Variants in KCNS2 observed in about 807,000 individuals in gnomAD.
The protein encoded by KCNS2 is delayed-rectifier potassium channel regulatory subunit KCNS2.
Under a neutral mutation model 28.3 loss-of-function variants are expected in KCNS2, and 15 were observed. The observed-to-expected ratio is 0.53, with a 90% confidence interval of 0.35 to 0.82. KCNS2 has a LOEUF of 0.82. Ranked by LOEUF, KCNS2 falls within the 40% of genes least tolerant of loss-of-function variation. The pLI, the probability that KCNS2 is intolerant of heterozygous loss-of-function variation, is 0.01. For missense variants in KCNS2, 501 were observed against 617.1 expected, an observed-to-expected ratio of 0.81 and a Z score of 1.99; for synonymous variants, 254 against 256.7, an observed-to-expected ratio of 0.99 and a Z score of 0.10.
At position 98,431,282 on chromosome 8, in the gene KCNS2, C is replaced by A. The variant is rs1586558847; in HGVS notation, c.*1869C>A. 6.0e-6 allele frequency: 1 copy of A among 167,218 alleles called. No individual in the cohort carries two copies. Among genetic ancestry groups the A allele is most frequent in the East Asian group, 1.9e-4 (1 of 5,196 alleles). 10.4% of individuals were successfully genotyped at this position (167,218 alleles called of 1,614,324 possible). A position where few individuals can be genotyped will look rare whatever the true frequency, so the allele number is the denominator to read the frequency against. ...CACTTGTGTCCTGGAGCCCCCAGTT[C>A]AAATCTTTCCATTGGACTGGAGGCT... On this transcript the variant is annotated 3_prime_UTR_variant, in exon 2 of 2. Transcript: ENST00000287042.
rs189848972 is a variant in KCNS2, at chr8:98,430,755, G to T, written c.*1342G>T. On this transcript the variant is annotated 3_prime_UTR_variant, in exon 2 of 2. Coordinates refer to ENST00000287042, the MANE Select transcript of KCNS2 (RefSeq NM_020697.4). ...GGGGGTGACTGGGTAGAGGCCAGGA[G>T]AAAGGAAAGAGTTGTAAAATAAAAA... is the stretch of plus-strand genomic sequence containing the variant. 1.3e-3 allele frequency: 211 copies of T among 167,190 alleles called. No individual in the cohort carries two copies. Among genetic ancestry groups the T allele is most frequent in the Non-Finnish European group, 1.8e-3 (126 of 68,116 alleles). The allele number at this position is 167,190 out of a possible 1,614,324, so 10.4% of individuals were successfully genotyped here. A position where few individuals can be genotyped will look rare whatever the true frequency, so the allele number is the denominator to read the frequency against.
At position 98,428,121 on chromosome 8, in the gene KCNS2, C is replaced by T; in HGVS notation, c.142C>T (p.Leu48Phe). Residue 48 changes from leucine to phenylalanine, a missense_variant, in exon 2 of 2, where the codon CTC becomes TTC. Coordinates refer to ENST00000287042, the MANE Select transcript of KCNS2 (RefSeq NM_020697.4). The surrounding 1 kb of genome is among the most constrained non-coding windows in gnomAD (Gnocchi z 6.7). ...CGAGACGCGCCTGGGCCGCTTGCTG[C>T]TCTGCCACTCGCGCGAGGCCATTCT... is the stretch of plus-strand genomic sequence containing the variant. ...FPETRLGRLL[L>F]CHSREAILEL... 2 of 1,613,964 alleles carry T rather than the reference C, an allele frequency of 1.2e-6. No homozygotes were observed. Among genetic ancestry groups the T allele is most frequent in the Non-Finnish European group, 1.7e-6 (2 of 1,180,018 alleles).
chr8:98,428,988 T>G lies in KCNS2; in HGVS notation c.1009T>G (p.Ser337Ala). Reference sequence around the variant, plus strand: ...AGTAGGGCTGCTCTTGCTCTACCTCTCCGTGGGGATTTCCATCTTCTCCGT... The same window carrying G: ...AGTAGGGCTGCTCTTGCTCTACCTCGCCGTGGGGATTTCCATCTTCTCCGT... ...KEVGLLLLYL[S>A]VGISIFSVVA... The change falls in exon 2 of 2, where the codon TCC (serine) becomes GCC (alanine). Residue 337 changes from serine to alanine, a missense_variant. Physicochemically the swap from Ser to Ala is moderately conservative, Grantham distance 99. Coordinates refer to ENST00000287042, the MANE Select transcript of KCNS2 (RefSeq NM_020697.4). The surrounding 1 kb of genome is among the most constrained non-coding windows in gnomAD (Gnocchi z 6.7). The G allele has an allele frequency of 6.2e-7, 1 of 1,614,120 alleles. No individual in the cohort carries two copies. Among genetic ancestry groups the G allele is most frequent in the East Asian group, 2.2e-5 (1 of 44,858 alleles).
At position 98,429,086 on chromosome 8, in the gene KCNS2, C is replaced by T. The variant is rs757518263; in HGVS notation, c.1107C>T (p.Thr369=). 19 of 1,613,158 alleles carry T rather than the reference C, an allele frequency of 1.2e-5. No homozygotes were observed. Among genetic ancestry groups the T allele is most frequent in the Middle Eastern group, 1.6e-4 (1 of 6,080 alleles). ...TCCCTGCCTGCTGGTGGTGGGCTAC[C>T]GTCAGTATGACCACAGTGGGGTACG... ...ATIPACWWWA[T]VSMTTVGYGD... The change falls in exon 2 of 2, where the codon ACC becomes ACT. Residue 369 remains threonine (T), a synonymous_variant. Transcript: ENST00000287042.
Position 98,429,374 on chromosome 8 carries a change from C to T in KCNS2, c.1395C>T (p.Ser465=), listed in dbSNP as rs1457500784. 1 of 1,613,616 alleles carries T rather than the reference C, an allele frequency of 6.2e-7. No homozygotes were observed. Among genetic ancestry groups the T allele is most frequent in the African/African-American group, 1.3e-5 (1 of 74,926 alleles). The change falls in exon 2 of 2, where the codon AGC becomes AGT. Residue 465 remains serine, a synonymous_variant. Transcript: ENST00000287042. ...CAAGCCTGACGAACATGAGCAGGAG[C>T]TCACCAAGTGAACTCAGTTTAAATG... ...LMASLTNMSR[S]SPSELSLNDS...
In KCNS2 at chr8:98,429,446, G is replaced by T; in HGVS notation, c.*33G>T. 1 of 1,482,706 alleles carries T rather than the reference G, an allele frequency of 6.7e-7. No individual in the cohort carries two copies. Among genetic ancestry groups the T allele is most frequent in the South Asian group, 1.2e-5 (1 of 82,674 alleles). 91.8% of individuals were successfully genotyped at this position (1,482,706 alleles called of 1,614,324 possible). On this transcript the variant is annotated 3_prime_UTR_variant, in exon 2 of 2. Coordinates refer to ENST00000287042, the MANE Select transcript of KCNS2 (RefSeq NM_020697.4). ...GACTTGTCACCCTCCACCCCACATT[G>T]CTGAGCTGCCTCTTGTGCCTCTGGC... is the stretch of plus-strand genomic sequence containing the variant.
chr8:98,429,311 A>G lies in KCNS2; in HGVS notation c.1332A>G (p.Leu444=). ...TGAAGGAGGTCCCTTCGGTCAATTTAAGGGACTATTATGCCCATAAAGTTA... is the reference window on the plus strand; with the variant it reads ...TGAAGGAGGTCCCTTCGGTCAATTTGAGGGACTATTATGCCCATAAAGTTA... ...DGMKEVPSVN[L]RDYYAHKVKS... Residue 444 remains leucine, a synonymous_variant, in exon 2 of 2, where the codon TTA becomes TTG. Transcript: ENST00000287042. 1.2e-6 allele frequency: 2 copies of G among 1,614,162 alleles called. No individual in the cohort carries two copies. Among genetic ancestry groups the G allele is most frequent in the Non-Finnish European group, 1.7e-6 (2 of 1,180,024 alleles).
chr8:98,428,361 G>A lies in KCNS2; in HGVS notation c.382G>A (p.Val128Ile), dbSNP rs1284687712. 6.2e-7 allele frequency: 1 copy of A among 1,614,188 alleles called. No individual in the cohort carries two copies. The highest frequency in any genetic ancestry group is 1.7e-5 in the Admixed American group (1 of 60,034). Residue 128 changes from valine (V) to isoleucine (I), a missense_variant, in exon 2 of 2, where the codon GTA (valine) becomes ATA (isoleucine). Val to Ile is a conservative substitution (Grantham distance 29, BLOSUM62 3). Transcript: ENST00000287042. The surrounding 1 kb of genome is among the most constrained non-coding windows in gnomAD (Gnocchi z 6.7). ...CCSYSYHGRK[V>I]EPEQEKWDEQ... ...CAGCTACAGCTACCATGGCCGCAAA[G>A]TAGAGCCCGAGCAGGAGAAGTGGGA... is the stretch of plus-strand genomic sequence containing the variant.
At position 98,429,779 on chromosome 8, in the gene KCNS2, G is replaced by T. The variant is rs991120076; in HGVS notation, c.*366G>T. On this transcript the variant is annotated 3_prime_UTR_variant, in exon 2 of 2. Transcript: ENST00000287042. ...TATGAGTTGTCGTGCTCCTGTTTCT[G>T]AGGTTGTCGTGTGAGTTCTGTACAA... 3 of 199,042 alleles carry T rather than the reference G, an allele frequency of 1.5e-5. No individual in the cohort carries two copies. The highest frequency in any genetic ancestry group is 7.0e-5 in the African/African-American group (3 of 42,702). 12.3% of individuals were successfully genotyped at this position (199,042 alleles called of 1,614,324 possible). A position where few individuals can be genotyped will look rare whatever the true frequency, so the allele number is the denominator to read the frequency against.
rs911026515 is a variant in KCNS2 at position 98,428,134 on chromosome 8, G to A, written c.155G>A (p.Arg52His). 12 of 1,613,974 alleles carry A rather than the reference G, an allele frequency of 7.4e-6. No individual in the cohort carries two copies. The highest frequency in any genetic ancestry group is 9.3e-6 in the Non-Finnish European group (11 of 1,180,012). ...GGCCGCTTGCTGCTCTGCCACTCGC[G>A]CGAGGCCATTCTGGAGCTCTGCGAT... ...RLGRLLLCHS[R>H]EAILELCDDY... Residue 52 changes from arginine to histidine, a missense_variant, in exon 2 of 2, where the codon CGC becomes CAC. By Grantham distance (29) the Arg-to-His change is conservative. Coordinates refer to ENST00000287042, the MANE Select transcript of KCNS2 (RefSeq NM_020697.4). The surrounding 1 kb of genome is among the most constrained non-coding windows in gnomAD (Gnocchi z 6.7).
rs928101532 is a variant in KCNS2 at position 98,430,759 on chromosome 8, GGAAA to G, written c.*1349_*1352del. On this transcript the variant is annotated 3_prime_UTR_variant, in exon 2 of 2. Coordinates refer to ENST00000287042, the MANE Select transcript of KCNS2 (RefSeq NM_020697.4). ...GTGACTGGGTAGAGGCCAGGAGAAA[GGAAA>G]GAGTTGTAAAATAAAAAACTGCTAG... is the stretch of plus-strand genomic sequence containing the variant. 6.0e-6 allele frequency: 1 copy of G among 167,020 alleles called. No individual in the cohort carries two copies. The highest frequency in any genetic ancestry group is 1.5e-5 in the Non-Finnish European group (1 of 68,112). The allele number at this position is 167,020 out of a possible 1,614,324, so 10.3% of individuals were successfully genotyped here.
At chr8:98,427,841 C>T (rs1173461585) in intron 1 of KCNS2, 97 bp from the exon 2 acceptor site, 1 of 671,838 alleles carries the variant, frequency 1.5e-6, no homozygotes, top group African/African-American at 1.8e-5. Context: ...GCACCCAAGA[C>T]CCACCAGGAG....
Position 98,428,216 on chromosome 8 carries a change from C to T in KCNS2, c.237C>T (p.Pro79=), listed in dbSNP as rs1336620810. 2 of 1,614,162 alleles carry T rather than the reference C, an allele frequency of 1.2e-6. No homozygotes were observed. The highest frequency in any genetic ancestry group is 8.5e-7 in the Non-Finnish European group (1 of 1,180,028). The part of the protein sequence containing the change: ...FYFDRNPELF[P]YVLHFYHTGK... ...TCGACCGCAACCCTGAGCTCTTCCCCTACGTGCTGCATTTCTATCACACCG... is the reference window on the plus strand; with the variant it reads ...TCGACCGCAACCCTGAGCTCTTCCCTTACGTGCTGCATTTCTATCACACCG... Residue 79 remains proline, a synonymous_variant, in exon 2 of 2, where the codon CCC becomes CCT. Transcript: ENST00000287042. The surrounding 1 kb of genome is among the most constrained non-coding windows in gnomAD (Gnocchi z 6.7).
chr8:98,427,899 G>T (rs997935306), intron 1 of KCNS2, 39 bp from the exon 2 acceptor site: 51 of 1,249,354 alleles, frequency 4.1e-5, no homozygotes, highest in Admixed American at 1.4e-4. Flanking sequence ...CCGCCAGGGC[G>T]CACGGCGCTC....
At position 98,429,138 on chromosome 8, in the gene KCNS2, G is replaced by A; in HGVS notation, c.1159G>A (p.Gly387Arg). 1 of 1,613,302 alleles carries A rather than the reference G, an allele frequency of 6.2e-7. No homozygotes were observed. Among genetic ancestry groups the A allele is most frequent in the Non-Finnish European group, 8.5e-7 (1 of 1,179,380 alleles). ...GGATGTGGTCCCAGGGACCACGGCAGGAAAGCTGACTGCCTCTGCCTGCAT... is the reference window on the plus strand; with the variant it reads ...GGATGTGGTCCCAGGGACCACGGCAAGAAAGCTGACTGCCTCTGCCTGCAT... ...YGDVVPGTTA[G>R]KLTASACILA... Residue 387 changes from glycine (G) to arginine (R), a missense_variant, in exon 2 of 2, where the codon GGA becomes AGA. By Grantham distance (125) the Gly-to-Arg change is moderately radical. Coordinates refer to ENST00000287042, the MANE Select transcript of KCNS2 (RefSeq NM_020697.4).
In KCNS2 at chr8:98,428,535, A is replaced by G. The variant is rs1195697694; in HGVS notation, c.556A>G (p.Ser186Gly). The G allele has an allele frequency of 1.2e-6, 2 of 1,614,054 alleles. No individual in the cohort carries two copies. The highest frequency in any genetic ancestry group is 2.7e-5 in the African/African-American group (2 of 74,930). Residue 186 changes from serine to glycine, a missense_variant, in exon 2 of 2, where the codon AGC (serine) becomes GGC (glycine). Coordinates refer to ENST00000287042, the MANE Select transcript of KCNS2 (RefSeq NM_020697.4). The surrounding 1 kb of genome is among the most constrained non-coding windows in gnomAD (Gnocchi z 6.7). ...GGACAACCCCGGCTACTCAGTGCTGAGCAGGGTCTTCAGCATCCTGTCCAT... is the reference window on the plus strand; with the variant it reads ...GGACAACCCCGGCTACTCAGTGCTGGGCAGGGTCTTCAGCATCCTGTCCAT... ...ALDNPGYSVL[S>G]RVFSILSILV...
In KCNS2 at chr8:98,427,110, C is replaced by A. The variant is rs1380277243; in HGVS notation, c.-262C>A. Reference sequence around the variant, plus strand: ...GAGGGGGCTCCGGGAGCGGCGGGACCACGCAGCCACCTGTGAGCCTTCGGC... The same window carrying A: ...GAGGGGGCTCCGGGAGCGGCGGGACAACGCAGCCACCTGTGAGCCTTCGGC... On this transcript the variant is annotated 5_prime_UTR_variant, in exon 1 of 2. Coordinates refer to ENST00000287042, the MANE Select transcript of KCNS2 (RefSeq NM_020697.4). 2 of 150,414 alleles carry A rather than the reference C, an allele frequency of 1.3e-5. No individual in the cohort carries two copies. The highest frequency in any genetic ancestry group is 1.9e-4 in the East Asian group (1 of 5,136). 9.3% of individuals were successfully genotyped at this position (150,414 alleles called of 1,614,324 possible). A position where few individuals can be genotyped will look rare whatever the true frequency, so the allele number is the denominator to read the frequency against.
At position 98,428,058 on chromosome 8, in the gene KCNS2, A is replaced by G. The variant is rs748684605; in HGVS notation, c.79A>G (p.Lys27Glu). 1.2e-6 allele frequency: 2 copies of G among 1,613,066 alleles called. No homozygotes were observed. The highest frequency in any genetic ancestry group is 2.2e-5 in the South Asian group (2 of 90,990). ...GEIRINVGGFKRRLRSHTLLR... is the reference protein window; with the variant it reads ...GEIRINVGGFERRLRSHTLLR... ...GATCCGCATCAATGTGGGCGGCTTCAAGAGGAGGCTGCGCTCGCACACGCT... is the reference window on the plus strand; with the variant it reads ...GATCCGCATCAATGTGGGCGGCTTCGAGAGGAGGCTGCGCTCGCACACGCT... The change falls in exon 2 of 2, where the codon AAG (lysine) becomes GAG (glutamate). Residue 27 changes from lysine to glutamate, a missense_variant. Transcript: ENST00000287042. The surrounding 1 kb of genome is among the most constrained non-coding windows in gnomAD (Gnocchi z 6.7).
rs752763134 is a variant in KCNS2, at chr8:98,428,765, T to C, written c.786T>C (p.Leu262=). 7 of 1,614,172 alleles carry C rather than the reference T, an allele frequency of 4.3e-6. No individual in the cohort carries two copies. In the Admixed American group the frequency reaches 6.7e-5, roughly 15 times the overall value. ...FLKFFKNALN[L]IDLMSIVPFY... is the part of the protein sequence containing the mutation. Reference sequence around the variant, plus strand: ...AGTTCTTCAAGAATGCCCTAAACCTTATTGACCTCATGTCCATCGTCCCCT... The same window carrying C: ...AGTTCTTCAAGAATGCCCTAAACCTCATTGACCTCATGTCCATCGTCCCCT... The change falls in exon 2 of 2, where the codon CTT becomes CTC. Residue 262 remains leucine, a synonymous_variant. Coordinates refer to ENST00000287042, the MANE Select transcript of KCNS2 (RefSeq NM_020697.4). The surrounding 1 kb of genome is among the most constrained non-coding windows in gnomAD (Gnocchi z 6.7).
Sources: gnomAD v4.1 joint callset for allele counts on GRCh38, gnomAD v4.1.1 for gene constraint, Gnocchi (gnomAD v3.1) non-coding constraint, MANE v1.5 for transcripts, NCBI Gene and HGNC (gene_info 2026-07-23, HGNC 2026-07-21) for gene names.